The following NMT2 variants were observed in gnomAD, a reference collection of about 807,000 sequenced individuals.
NMT2 encodes N-myristoyltransferase 2, also known as glycylpeptide N-tetradecanoyltransferase 2.
Under a neutral mutation model 65.4 loss-of-function variants are expected in NMT2, and 35 were observed. The observed-to-expected ratio is 0.54, with a 90% CI of 0.41 to 0.71. The LOEUF is 0.71. Among genes scored for constraint, NMT2 ranks in the 30% least tolerant of loss-of-function variants. NMT2 has a pLI of 0.00. For missense variants in NMT2, 489 were observed against 611.3 expected, an observed-to-expected ratio of 0.80 and a Z score of 2.11; for synonymous variants, 226 against 231.8, an observed-to-expected ratio of 0.98 and a Z score of 0.23.
At chr10:15,168,286 G>GC in intron 1 of NMT2, 1 of 276,308 alleles carries the variant, frequency 3.6e-6, no homozygotes, top group South Asian at 3.9e-5. Flanking sequence ...CCGGGCCCCA[G>GC]CCTCCCCGCC....
chr10:15,137,819 A>G (rs1176030822), intron 2 of NMT2, among the ~76,000 whole-genome samples: 1 of 152,168 alleles, frequency 6.6e-6, no homozygotes, highest in Non-Finnish European at 1.5e-5. Flanking sequence ...GACATGAATC[A>G]GCATCTTTGT....
At chr10:15,146,657 G>C (rs534068182) in intron 1 of NMT2, among the ~76,000 whole-genome samples, 37 of 152,180 alleles carry the variant, frequency 2.4e-4, no homozygotes, top group Non-Finnish European at 4.7e-4. Flanking sequence ...CAGAATGAAG[G>C]AGAACTCCCT....
chr10:15,168,630 G>T lies in NMT2; in HGVS notation c.-18C>A. The T allele has an allele frequency of 6.4e-7, 1 of 1,565,640 alleles. No homozygotes were observed. The highest frequency in any genetic ancestry group is 8.6e-7 in the Non-Finnish European group (1 of 1,161,966). On this transcript the variant is annotated 5_prime_UTR_variant, in exon 1 of 12. Transcript: ENST00000378165. ...TCCGCCATCGCGGCGGCGCTGGCTG[G>T]GGAGGCGGTGCTCGGGGCCGGGCCG...
rs185186660 is a variant in NMT2 at position 15,159,658 on chromosome 10, C to A, written c.110+8845G>T. Among the ~76,000 whole-genome samples, 28 of 152,308 alleles carry A rather than the reference C, an allele frequency of 1.8e-4. No individual in the cohort carries two copies. In the East Asian group the frequency reaches 5.4e-3, roughly 29 times the overall value. On this transcript the variant is annotated intron_variant, in intron 1 of 11. Transcript: ENST00000378165. ...GCCCAGGCTGCTCTCGAACTACTGA[C>A]CTCAGGTGATCCACCCGCCTCGGCC...
intron 10 of NMT2, among the ~76,000 whole-genome samples, chr10:15,110,381 A>G (rs7919068): frequency 0.19 from 29,325 of 152,110 alleles, 6,121 homozygotes; most frequent in African/African-American, 0.53. Context: ...TTGGGAGGCC[A>G]AGGTGGGAGG....
At chr10:15,137,378 A>T (rs10508483) in intron 2 of NMT2, among the ~76,000 whole-genome samples, 34,384 of 151,956 alleles carry the variant, frequency 0.23, 4,903 homozygotes, top group African/African-American at 0.41. Context: ...CATCAAAATC[A>T]TAAAGGTCCT....
intron 1 of NMT2, among the ~76,000 whole-genome samples, chr10:15,165,187 C>T (rs956363259): frequency 6.9e-6 from 1 of 144,350 alleles, no homozygotes; most frequent in African/African-American, 2.7e-5. Context: ...AAATCATCCT[C>T]CAGGTCACCT....
At chr10:15,145,817 TG>T (rs1320879119) in intron 1 of NMT2, among the ~76,000 whole-genome samples, 1 of 152,210 alleles carries the variant, frequency 6.6e-6, no homozygotes, top group Admixed American at 6.5e-5. Context: ...GAGTCAGCTG[TG>T]GCTGCTTAGC....
intron 1 of NMT2, among the ~76,000 whole-genome samples, chr10:15,146,457 T>C (rs901043330): frequency 2.0e-5 from 3 of 152,174 alleles, no homozygotes; most frequent in Non-Finnish European, 4.4e-5. Flanking sequence ...CCAGCTGCCT[T>C]GTAGCCAGGT....
chr10:15,144,710 G>A (rs956673222), intron 1 of NMT2, among the ~76,000 whole-genome samples: 4 of 151,778 alleles, frequency 2.6e-5, no homozygotes, highest in East Asian at 1.9e-4. Context: ...CAGCCTGGGC[G>A]ACAGAGCGAG....
intron 1 of NMT2, among the ~76,000 whole-genome samples, chr10:15,157,163 A>G (rs1279994503): frequency 6.6e-6 from 1 of 152,206 alleles, no homozygotes; most frequent in East Asian, 1.9e-4. Flanking sequence ...GAACACAGCT[A>G]CGGAAATAAA....
chr10:15,165,376 A>T (rs1373233299), intron 1 of NMT2, among the ~76,000 whole-genome samples: 2 of 152,198 alleles, frequency 1.3e-5, no homozygotes, highest in Non-Finnish European at 2.9e-5. Context: ...TCGTGTGTTA[A>T]AGTAAGTTAT....
intron 1 of NMT2, among the ~76,000 whole-genome samples, chr10:15,155,681 C>A (rs1832975915): frequency 6.6e-6 from 1 of 151,878 alleles, no homozygotes; most frequent in African/African-American, 2.4e-5. Context: ...CTGCACCTGG[C>A]CCCAAGGATT....
intron 9 of NMT2, 61 bp from the exon 10 acceptor site, chr10:15,113,024 C>T: frequency 6.7e-7 from 1 of 1,487,544 alleles, no homozygotes; most frequent in South Asian, 1.1e-5. Context: ...CGTGCATTTC[C>T]ACTAACTCTG....
At position 15,116,279 on chromosome 10, in the gene NMT2, C is replaced by G. The variant is rs1436596307; in HGVS notation, c.1170+3064G>C. Among the ~76,000 whole-genome samples, 3 of 152,210 alleles carry G rather than the reference C, an allele frequency of 2.0e-5. No homozygotes were observed. The East Asian group carries it at 5.8e-4, about 29-fold the overall frequency. On this transcript the variant is annotated intron_variant, in intron 9 of 11. Transcript: ENST00000378165. ...CTAGAAATCTGTAATAGGGAGACAA[C>G]AGAAAATCTCTAAACACAGCAAAAT...
intron 1 of NMT2, among the ~76,000 whole-genome samples, chr10:15,167,184 A>T (rs1224212632): frequency 2.0e-5 from 1 of 50,134 alleles, no homozygotes; most frequent in African/African-American, 2.9e-4. Context: ...CTCTCTTTAA[A>T]AAAAAAAATA....
At chr10:15,156,384 G>T (rs547329746) in intron 1 of NMT2, among the ~76,000 whole-genome samples, 7 of 152,220 alleles carry the variant, frequency 4.6e-5, no homozygotes, top group African/African-American at 1.7e-4. Context: ...GTTTCCTAAG[G>T]CTTCTCCAAC....
intron 7 of NMT2, among the ~76,000 whole-genome samples, chr10:15,129,636 A>G (rs988435041): frequency 6.6e-6 from 1 of 152,244 alleles, no homozygotes; most frequent in African/African-American, 2.4e-5. Flanking sequence ...AGGTTTTCCC[A>G]TGTAGAGACA....
In NMT2 at chr10:15,132,918, T is replaced by G. The variant is rs759452284; in HGVS notation, c.618A>C (p.Pro206=). 1 of 1,613,050 alleles carries G rather than the reference T, an allele frequency of 6.2e-7. No homozygotes were observed. Among genetic ancestry groups the G allele is most frequent in the South Asian group, 1.1e-5 (1 of 90,996 alleles). ...CACAGTGCCACTGCAGGAGCCAGCCTGGTGGACGCAGAGCCCTGAGGTCAC... is the reference window on the plus strand; with the variant it reads ...CACAGTGCCACTGCAGGAGCCAGCCGGGTGGACGCAGAGCCCTGAGGTCAC... ...PEFLLWALRP[P]GWLLQWHCGV... Residue 206 remains proline (P), a synonymous_variant, in exon 6 of 12, where the codon CCA becomes CCC. Transcript: ENST00000378165.
Sources: gnomAD v4.1 joint callset for allele counts (sites outside exome capture counted in the v4.1 genomes callset) on GRCh38, gnomAD v4.1.1 for gene constraint, MANE v1.5 for transcripts, NCBI Gene and HGNC (gene_info 2026-07-23, HGNC 2026-07-21) for gene names.